MYH10: variants seen among roughly 807,000 people sequenced by gnomAD.
MYH10 encodes myosin heavy chain 10, also known as myosin-10.
A neutral mutation model predicts 257.8 loss-of-function variants in MYH10; 55 were observed. The observed-to-expected ratio is 0.21, with a 90% CI of 0.17 to 0.27. The LOEUF (loss-of-function observed/expected upper bound fraction) is 0.27. MYH10 is among the 10% of genes least tolerant of loss of function. The pLI, the probability that MYH10 is intolerant of heterozygous loss-of-function variation, is 1.00. For missense variants in MYH10, 1,631 were observed against 2,500.6 expected, an observed-to-expected ratio of 0.65 and a Z score of 7.42; for synonymous variants, 854 against 921.7, an observed-to-expected ratio of 0.93 and a Z score of 1.33.
Position 8,508,694 on chromosome 17 carries a change from G to C in MYH10, c.3091-17C>G. 1 of 1,612,766 alleles carries C rather than the reference G, an allele frequency of 6.2e-7. No individual in the cohort carries two copies. The highest frequency in any genetic ancestry group is 8.5e-7 in the Non-Finnish European group (1 of 1,179,364). Reference sequence around the variant, plus strand: ...TTTCTTTTCCTGGACAGGAAAAATTGACTGCTTCAGAAAAGCCATTCAGAA... The same window carrying C: ...TTTCTTTTCCTGGACAGGAAAAATTCACTGCTTCAGAAAAGCCATTCAGAA... On this transcript the variant is annotated splice_polypyrimidine_tract_variant and intron_variant, in intron 25 of 42. Transcript: ENST00000360416.
chr17:8,538,009 G>C (rs2082190857), intron 14 of MYH10, among the ~76,000 whole-genome samples: 1 of 152,198 alleles, frequency 6.6e-6, no homozygotes, highest in South Asian at 2.1e-4. Flanking sequence ...GATGAGCTAA[G>C]CCTGGCACGG....
At chr17:8,511,573 G>C (rs1342836500) in intron 24 of MYH10, among the ~76,000 whole-genome samples, 2 of 152,080 alleles carry the variant, frequency 1.3e-5, no homozygotes, top group Non-Finnish European at 1.5e-5. Context: ...ACCAAAACTA[G>C]GGTTGTACAA....
At position 8,481,419 on chromosome 17, in the gene MYH10, T is replaced by C. The variant is rs1046602309; in HGVS notation, c.5176-9A>G. 4 of 1,613,374 alleles carry C rather than the reference T, an allele frequency of 2.5e-6. No individual in the cohort carries two copies. The highest frequency in any genetic ancestry group is 1.3e-5 in the African/African-American group (1 of 75,030). ...TCAGATGAGGCAAGTTCCTAAGCAG[T>C]GGAGACTGCGTTAAGCTCTGGCTGT... On this transcript the variant is annotated splice_polypyrimidine_tract_variant and intron_variant, in intron 37 of 42. Coordinates refer to ENST00000360416, the MANE Select transcript of MYH10 (RefSeq NM_001256012.3).
At chr17:8,514,096 C>T (rs1042819842) in intron 21 of MYH10, among the ~76,000 whole-genome samples, 24 of 152,198 alleles carry the variant, frequency 1.6e-4, no homozygotes, top group African/African-American at 5.8e-4. Context: ...CTCAGCCCAC[C>T]TCAGGCCCCT....
At position 8,480,440 on chromosome 17, in the gene MYH10, C is replaced by A; in HGVS notation, c.5350G>T (p.Glu1784Ter). 1 of 1,613,152 alleles carries A rather than the reference C, an allele frequency of 6.2e-7. No homozygotes were observed. The highest frequency in any genetic ancestry group is 8.5e-7 in the Non-Finnish European group (1 of 1,180,028). ...EELEEEQSNM[E>*]LLNDRFRKTT... ...TTGCGGAAGCGGTCGTTGAGCAGCTCCATGTTGCTCTGCTCCTCTTCCAGC... is the reference window on the plus strand; with the variant it reads ...TTGCGGAAGCGGTCGTTGAGCAGCTACATGTTGCTCTGCTCCTCTTCCAGC... The change falls in exon 39 of 43, where the codon GAG becomes TAG. Residue 1784 changes from glutamate (E) to a stop codon, truncating the protein, a stop_gained. Coordinates refer to ENST00000360416, the MANE Select transcript of MYH10 (RefSeq NM_001256012.3). LOFTEE classifies it high-confidence loss of function.
rs1912441266 is a variant in MYH10 at position 8,475,678 on chromosome 17, A to T, written c.*126T>A. ...AGGATACAGTATGCATAGGCTGGAG[A>T]GCCTTAAGACACAGTTGATCTTTCA... On this transcript the variant is annotated 3_prime_UTR_variant, in exon 43 of 43. Transcript: ENST00000360416. 1.8e-6 allele frequency: 2 copies of T among 1,129,178 alleles called. No homozygotes were observed. The highest frequency in any genetic ancestry group is 3.0e-5 in the South Asian group (2 of 67,230). The allele number at this position is 1,129,178 out of a possible 1,614,324, so 69.9% of individuals were successfully genotyped here.
At chr17:8,605,668 C>G (rs2084770532) in intron 2 of MYH10, among the ~76,000 whole-genome samples, 1 of 152,070 alleles carries the variant, frequency 6.6e-6, no homozygotes, top group African/African-American at 2.4e-5. Flanking sequence ...CGCCTGAACC[C>G]CAGGGGGCAG....
intron 19 of MYH10, 138 bp downstream of exon 19, chr17:8,520,740 A>G: frequency 1.1e-6 from 1 of 903,822 alleles, no homozygotes; most frequent in South Asian, 1.9e-5. Context: ...CTTTTCCAGA[A>G]CCTCACTATA....
At chr17:8,487,703 C>G (rs1423709820) in intron 35 of MYH10, 109 bp from the exon 36 acceptor site, 1 of 1,240,374 alleles carries the variant, frequency 8.1e-7, no homozygotes, top group Admixed American at 1.9e-5. Context: ...GTGGAAACTT[C>G]TGTTACTCTG....
intron 8 of MYH10, among the ~76,000 whole-genome samples, chr17:8,553,257 ATAAAATACTGTTCT>A (rs1291293547): frequency 3.3e-5 from 5 of 152,214 alleles, no homozygotes; most frequent in African/African-American, 1.2e-4. Context: ...ATTTGGAGGC[ATAAAATACTGTTCT>A]TAACCAGAAA....
rs906346443 is a variant in MYH10, at chr17:8,535,731, C to A, written c.1779+27G>T. On this transcript the variant is annotated intron_variant, in intron 15 of 42. Transcript: ENST00000360416. The surrounding 1 kb of genome is among the most constrained non-coding windows in gnomAD (Gnocchi z 4.3). The stretch of plus-strand genomic sequence containing the variant: ...AAATTTCAAACACAGCCATTTTAAT[C>A]CAGTTATTCAACATAAGAGCTCTTA... The A allele has an allele frequency of 3.1e-6, 5 of 1,592,160 alleles. No individual in the cohort carries two copies. Among genetic ancestry groups the A allele is most frequent in the South Asian group, 1.1e-5 (1 of 88,586 alleles).
rs1196282192 is a variant in MYH10, at chr17:8,521,408, AGGTAAG to A, written c.1958-129_1958-124del. The stretch of plus-strand genomic sequence containing the variant: ...GAACAAATGACAGGAGATGCCATAT[AGGTAAG>A]GCAGTCAGCATACTTAGGCACTGCA... On this transcript the variant is annotated intron_variant, in intron 17 of 42. Transcript: ENST00000360416. The A allele has an allele frequency of 1.9e-5, 19 of 989,566 alleles. No homozygotes were observed. In the African/African-American group the frequency reaches 2.7e-4, roughly 14 times the overall value. The allele number at this position is 989,566 out of a possible 1,614,324, so 61.3% of individuals were successfully genotyped here.
chr17:8,486,944 G>A (rs2151800331), intron 36 of MYH10, among the ~76,000 whole-genome samples: 1 of 152,214 alleles, frequency 6.6e-6, no homozygotes. Flanking sequence ...CATCATTAAC[G>A]GACCAGTTCC....
At chr17:8,498,005 A>ATT (rs1491287334) in intron 30 of MYH10, among the ~76,000 whole-genome samples, 1 of 126,872 alleles carries the variant, frequency 7.9e-6, no homozygotes, top group Non-Finnish European at 1.6e-5. Context: ...TTTTTGAGAC[A>ATT]GAGTCTTGTT....
chr17:8,525,150 C>G (rs527246522), intron 17 of MYH10, among the ~76,000 whole-genome samples: 1 of 152,350 alleles, frequency 6.6e-6, no homozygotes, highest in East Asian at 1.9e-4. Flanking sequence ...ATGCCCAGCC[C>G]GCTCCAGTCA....
intron 4 of MYH10, among the ~76,000 whole-genome samples, chr17:8,579,088 G>A (rs875675): frequency 0.25 from 37,310 of 151,872 alleles, 5,494 homozygotes; most frequent in Admixed American, 0.36. Context: ...ATCAGCCAAG[G>A]CAGCATAATG....
rs1419718971 is a variant in MYH10 at position 8,477,087 on chromosome 17, T to C, written c.5707-39A>G. On this transcript the variant is annotated intron_variant, in intron 41 of 42. Coordinates refer to ENST00000360416, the MANE Select transcript of MYH10 (RefSeq NM_001256012.3). The surrounding 1 kb of genome is among the most constrained non-coding windows in gnomAD (Gnocchi z 4.2). ...CATGAACCAAAACAAACCAAACTGG[T>C]GAATCCAGTGTCGGCCTCTCTGTAC... 6.2e-7 allele frequency: 1 copy of C among 1,609,388 alleles called. No individual in the cohort carries two copies. Among genetic ancestry groups the C allele is most frequent in the South Asian group, 1.1e-5 (1 of 90,972 alleles).
At chr17:8,503,496 A>C (rs1433741404) in intron 28 of MYH10, among the ~76,000 whole-genome samples, 1 of 151,862 alleles carries the variant, frequency 6.6e-6, no homozygotes, top group Admixed American at 6.6e-5. Context: ...CAGCACGGAG[A>C]GCCTCCCCAC....
Position 8,535,971 on chromosome 17 carries a change from G to A in MYH10, c.1606-40C>T. On this transcript the variant is annotated intron_variant, in intron 14 of 42. Coordinates refer to ENST00000360416, the MANE Select transcript of MYH10 (RefSeq NM_001256012.3). The surrounding 1 kb of genome is among the most constrained non-coding windows in gnomAD (Gnocchi z 4.3). ...CAATAAGAATTCACAAGTTTTGCAT[G>A]CCACTTTAATACTACTGAGTCTGGC... The A allele has an allele frequency of 6.3e-7, 1 of 1,584,428 alleles. No individual in the cohort carries two copies. Among genetic ancestry groups the A allele is most frequent in the Non-Finnish European group, 8.6e-7 (1 of 1,157,762 alleles).
Sources: gnomAD v4.1 joint callset for allele counts (sites outside exome capture counted in the v4.1 genomes callset) on GRCh38, gnomAD v4.1.1 for gene constraint, Gnocchi (gnomAD v3.1) non-coding constraint, MANE v1.5 for transcripts, NCBI Gene and HGNC (gene_info 2026-07-23, HGNC 2026-07-21) for gene names.